The following CPNE4 variants were observed in gnomAD, a reference collection of about 807,000 sequenced individuals.
CPNE4 encodes copine-4.
CPNE4 carries 25 observed loss-of-function variants against 67.9 expected under a neutral mutation model. The ratio of observed to expected loss-of-function variants is 0.37; its 90% CI spans 0.27 to 0.51. CPNE4 has a LOEUF of 0.51. Among genes scored for constraint, CPNE4 ranks in the 20% least tolerant of loss-of-function variants. CPNE4 has a pLI of 0.93. For synonymous variants in CPNE4, 242 were observed against 244.9 expected, an observed-to-expected ratio of 0.99 and a Z score of 0.11; for missense variants, 464 against 690.8, an observed-to-expected ratio of 0.67 and a Z score of 3.68.
At chr3:131,861,402 T>TTGTGTGTGTGTG (rs5852659) in intron 2 of CPNE4, among the ~76,000 whole-genome samples, 1 of 144,462 alleles carries the variant, frequency 6.9e-6, no homozygotes, top group South Asian at 2.3e-4. Flanking sequence ...TATCTCATCT[T>TTGTGTGTGTGTG]TGTGTGTGTG....
At chr3:131,903,270 C>T (rs985141094) in intron 2 of CPNE4, among the ~76,000 whole-genome samples, 12 of 152,010 alleles carry the variant, frequency 7.9e-5, no homozygotes, top group Admixed American at 7.9e-4. Flanking sequence ...GCTTCAAATC[C>T]CTTATTCTGA....
chr3:131,720,221 AC>A (rs1212423398), intron 3 of CPNE4, among the ~76,000 whole-genome samples: 1 of 151,574 alleles, frequency 6.6e-6, no homozygotes, highest in Non-Finnish European at 1.5e-5. Context: ...TGCTACCTGC[AC>A]AGTAGGCCAG....
rs184875183 is a variant in CPNE4, at chr3:131,585,199, A to G, written c.780+2285T>C. Among the ~76,000 whole-genome samples the G allele has an allele frequency of 3.1e-3, 470 of 152,284 alleles. 3 individuals are homozygous for G. The highest frequency in any genetic ancestry group is 0.011 in the South Asian group (54 of 4,816). The stretch of plus-strand genomic sequence containing the variant: ...GAAACTGGTTTAGTTTTGTAATAGC[A>G]TTTGTCACAAATTGTAGTTGCATTT... On this transcript the variant is annotated intron_variant, in intron 8 of 15. Transcript: ENST00000429747.
At chr3:131,641,489 G>C (rs1159522199) in intron 7 of CPNE4, among the ~76,000 whole-genome samples, 1 of 152,046 alleles carries the variant, frequency 6.6e-6, no homozygotes, top group East Asian at 1.9e-4. Context: ...TGCAAAAATG[G>C]CCATGATAAA....
chr3:132,000,859 A>G (rs2073414476), intron 1 of CPNE4, among the ~76,000 whole-genome samples: 1 of 151,846 alleles, frequency 6.6e-6, no homozygotes, highest in Non-Finnish European at 1.5e-5. Flanking sequence ...AAAAAAAAAA[A>G]AAAGGAAGGA....
Position 131,581,458 on chromosome 3 carries a change from T to A in CPNE4, c.867+121A>T, listed in dbSNP as rs768694909. ...TTATGTTCTTTAATACATGACTTTT[T>A]AATTTTTATTTTAAAAGATCACATC... On this transcript the variant is annotated intron_variant, in intron 9 of 15. Transcript: ENST00000429747. 3 of 690,406 alleles carry A rather than the reference T, an allele frequency of 4.3e-6. No individual in the cohort carries two copies. In the East Asian group the frequency reaches 8.1e-5, roughly 19 times the overall value. 42.8% of individuals were successfully genotyped at this position (690,406 alleles called of 1,614,324 possible). A position where few individuals can be genotyped will look rare whatever the true frequency, so the allele number is the denominator to read the frequency against.
At chr3:131,737,776 A>G (rs1013091628) in intron 2 of CPNE4, among the ~76,000 whole-genome samples, 2 of 152,158 alleles carry the variant, frequency 1.3e-5, no homozygotes, top group African/African-American at 2.4e-5. Context: ...AACCCAAGGT[A>G]TATTGTTTTC....
chr3:131,580,125 A>G (rs1256923818), intron 9 of CPNE4, among the ~76,000 whole-genome samples: 1 of 152,170 alleles, frequency 6.6e-6, no homozygotes, highest in African/African-American at 2.4e-5. Flanking sequence ...ATCAGTCAGC[A>G]ACCATCAATA....
chr3:131,709,281 T>C (rs1381039697), intron 3 of CPNE4, among the ~76,000 whole-genome samples: 2 of 152,130 alleles, frequency 1.3e-5, no homozygotes, highest in African/African-American at 4.8e-5. Flanking sequence ...GGAAAATTCT[T>C]GCTTGGCTTA....
intron 2 of CPNE4, among the ~76,000 whole-genome samples, chr3:131,851,208 T>C (rs1259220241): frequency 6.6e-6 from 1 of 152,030 alleles, no homozygotes; most frequent in East Asian, 1.9e-4. Context: ...AGAAAGTGAG[T>C]GATTTATAAG....
At chr3:131,830,522 G>A (rs2085323730) in intron 2 of CPNE4, among the ~76,000 whole-genome samples, 1 of 152,048 alleles carries the variant, frequency 6.6e-6, no homozygotes, top group African/African-American at 2.4e-5. Context: ...CCTTGGGACT[G>A]TGCTTGTACT....
chr3:131,873,028 T>G (rs974725396), intron 2 of CPNE4, among the ~76,000 whole-genome samples: 1 of 152,206 alleles, frequency 6.6e-6, no homozygotes, highest in African/African-American at 2.4e-5. Context: ...GAGGTAAAGT[T>G]TTGCACGGTA....
intron 2 of CPNE4, among the ~76,000 whole-genome samples, chr3:131,738,276 C>T (rs911397602): frequency 1.3e-5 from 2 of 152,234 alleles, no homozygotes; most frequent in Non-Finnish European, 2.9e-5. Flanking sequence ...CCAAGTGGCT[C>T]TTCATTGTGA....
At chr3:131,566,778 T>A (rs116701522) in intron 10 of CPNE4, among the ~76,000 whole-genome samples, 193 of 152,050 alleles carry the variant, frequency 1.3e-3, no homozygotes, top group African/African-American at 4.4e-3. Context: ...TGCACAGGTG[T>A]ACATAGTGTT....
chr3:131,656,038 G>A (rs2079950903), intron 7 of CPNE4, among the ~76,000 whole-genome samples: 1 of 149,512 alleles, frequency 6.7e-6, no homozygotes, highest in Non-Finnish European at 1.5e-5. Flanking sequence ...ACCAGATGTG[G>A]CCACAATACT....
In CPNE4 at chr3:131,792,722, T is replaced by C. The variant is rs1045535947; in HGVS notation, c.181-69097A>G. On this transcript the variant is annotated intron_variant, in intron 2 of 15. Transcript: ENST00000429747. ...ATATACACACACGTGTATATATGTA[T>C]ATATATACACGTGTGTATATATGTA... Among the ~76,000 whole-genome samples, 108 of 92,320 alleles carry C rather than the reference T, an allele frequency of 1.2e-3. 5 individuals carry two copies. The highest frequency in any genetic ancestry group is 1.6e-3 in the Non-Finnish European group (61 of 37,838). 60.6% of individuals were successfully genotyped at this position (92,320 alleles called of 152,430 possible). A position where few individuals can be genotyped will look rare whatever the true frequency, so the allele number is the denominator to read the frequency against.
chr3:131,771,386 G>A (rs1389319051), intron 2 of CPNE4, among the ~76,000 whole-genome samples: 1 of 152,082 alleles, frequency 6.6e-6, no homozygotes, highest in Admixed American at 6.6e-5. Context: ...CTAATGTGAG[G>A]TGTTTTGGTC....
chr3:131,555,580 C>T, intron 11 of CPNE4, 29 bp from the exon 12 acceptor site: 1 of 1,593,386 alleles, frequency 6.3e-7, no homozygotes, highest in Non-Finnish European at 8.6e-7. Context: ...AAAGAAAAAA[C>T]AAGAAGTTGC....
intron 2 of CPNE4, among the ~76,000 whole-genome samples, chr3:131,850,442 C>T (rs1259959879): frequency 6.6e-6 from 1 of 152,040 alleles, no homozygotes; most frequent in Non-Finnish European, 1.5e-5. Context: ...ATTATTTGAT[C>T]GTAGGGCAGT....
Sources: allele counts gnomAD v4.1 joint callset (sites outside exome capture counted in the v4.1 genomes callset), GRCh38; gene constraint gnomAD v4.1.1; transcripts MANE v1.5; gene names NCBI Gene and HGNC (gene_info 2026-07-23, HGNC 2026-07-21).